The following SPATA1 variants were observed in gnomAD, a reference collection of about 807,000 sequenced individuals.
SPATA1 encodes spermatogenesis associated 1.
A neutral mutation model predicts 59.6 loss-of-function variants in SPATA1; 57 were observed. The observed-to-expected ratio is 0.96, with a 90% confidence interval of 0.77 to 1.19. The LOEUF is 1.19. SPATA1 is among the 50% of genes most tolerant of loss of function. The pLI is 0.00. For synonymous variants in SPATA1, 147 were observed against 163.9 expected, an observed-to-expected ratio of 0.90 and a Z score of 0.79; for missense variants, 448 against 480.7, an observed-to-expected ratio of 0.93 and a Z score of 0.64.
At chr1:84,544,329 C>T (rs1262628705) in intron 9 of SPATA1, 25 bp downstream of exon 9, 6 of 1,491,780 alleles carry the variant, frequency 4.0e-6, no homozygotes, top group Non-Finnish European at 5.5e-6. Flanking sequence ...ATCGTAAGTA[C>T]AGATGATTCT....
intron 4 of SPATA1, among the ~76,000 whole-genome samples, chr1:84,560,499 T>C (rs1237772766): frequency 1.3e-5 from 2 of 152,242 alleles, no homozygotes; most frequent in Non-Finnish European, 2.9e-5. Context: ...GTTTTTCCTG[T>C]ATCTTTGGGT....
intron 8 of SPATA1, among the ~76,000 whole-genome samples, chr1:84,535,223 C>T (rs555096117): frequency 1.3e-5 from 2 of 152,224 alleles, no homozygotes; most frequent in African/African-American, 4.8e-5. Context: ...GCCAATACCA[C>T]ATTATCTTCA....
chr1:84,561,399 A>G (rs576076454), intron 4 of SPATA1, among the ~76,000 whole-genome samples: 1 of 152,374 alleles, frequency 6.6e-6, no homozygotes, highest in South Asian at 2.1e-4. Flanking sequence ...GCTACTTCTT[A>G]TGAATACGCA....
intron 12 of SPATA1, chr1:84,552,983 C>A: frequency 8.3e-7 from 1 of 1,204,044 alleles, no homozygotes; most frequent in Non-Finnish European, 1.2e-6. Context: ...CTATGATGTA[C>A]TTTTAGAAGG....
chr1:84,565,932 G>T (rs751582813), exon 5 of SPATA1: 2 of 1,601,926 alleles, frequency 1.2e-6, no homozygotes, highest in South Asian at 1.1e-5. Flanking sequence ...CAAAGAGGAA[G>T]TCACAAGCAT....
At chr1:84,548,807 A>C in exon 11 of SPATA1, 1 of 1,473,572 alleles carries the variant, frequency 6.8e-7, no homozygotes, top group Non-Finnish European at 9.0e-7. Context: ...TGGAAGAAAA[A>C]ATACTTGGAA....
At chr1:84,518,928 A>G (rs1331931624) in intron 2 of SPATA1, among the ~76,000 whole-genome samples, 2 of 151,856 alleles carry the variant, frequency 1.3e-5, no homozygotes, top group Admixed American at 1.3e-4. Flanking sequence ...TATGTTACCT[A>G]TTAGTGTTTT....
chr1:84,523,608 T>A (rs1235676126), intron 4 of SPATA1, among the ~76,000 whole-genome samples: 1 of 152,164 alleles, frequency 6.6e-6, no homozygotes, highest in Admixed American at 6.5e-5. Context: ...AATTAAAACA[T>A]GAATGATAAT....
intron 4 of SPATA1, among the ~76,000 whole-genome samples, chr1:84,564,903 G>A (rs1684663330): frequency 6.6e-6 from 1 of 152,002 alleles, no homozygotes; most frequent in African/African-American, 2.4e-5. Context: ...GCTGGGCATG[G>A]TGGTGCATGC....
chr1:84,539,776 G>A (rs983908496), intron 8 of SPATA1, among the ~76,000 whole-genome samples: 10 of 152,122 alleles, frequency 6.6e-5, no homozygotes, highest in Non-Finnish European at 1.5e-5. Flanking sequence ...AATACATCAA[G>A]TATTCCATAT....
chr1:84,519,160 A>T (rs1050809285), intron 2 of SPATA1, among the ~76,000 whole-genome samples: 1 of 152,040 alleles, frequency 6.6e-6, no homozygotes, highest in Non-Finnish European at 1.5e-5. Context: ...TTTTAAATAG[A>T]GACAGGATCC....
chr1:84,506,612 T>G (rs1300485631), intron 1 of SPATA1, 194 bp downstream of exon 1: 1 of 152,804 alleles, frequency 6.5e-6, no homozygotes, highest in Non-Finnish European at 1.5e-5. Context: ...TAGGAGCTAC[T>G]GTGCACCCGG....
At chr1:84,531,381 T>TC (rs1683457330) in intron 6 of SPATA1, among the ~76,000 whole-genome samples, 1 of 151,964 alleles carries the variant, frequency 6.6e-6, no homozygotes, top group Non-Finnish European at 1.5e-5. Context: ...CAGGCTGATC[T>TC]TGAACTTCTG....
intron 2 of SPATA1, among the ~76,000 whole-genome samples, chr1:84,519,479 A>T (rs1360171002): frequency 6.6e-6 from 1 of 152,042 alleles, no homozygotes; most frequent in African/African-American, 2.4e-5. Context: ...ATAAATATTT[A>T]GTTCAAGAAA....
chr1:84,566,789 C>A (rs781714579), downstream of SPATA1, among the ~76,000 whole-genome samples: 7 of 152,112 alleles, frequency 4.6e-5, no homozygotes, highest in South Asian at 1.2e-3. Flanking sequence ...TGCGCCACCA[C>A]GCCCAGCTAA....
intron 10 of SPATA1, among the ~76,000 whole-genome samples, chr1:84,546,075 A>G (rs1247922612): frequency 1.3e-5 from 2 of 152,200 alleles, no homozygotes; most frequent in Admixed American, 6.5e-5. Flanking sequence ...GGGGCTTAGG[A>G]GACACTATTA....
At chr1:84,535,982 A>G (rs887376493) in intron 8 of SPATA1, among the ~76,000 whole-genome samples, 1 of 152,152 alleles carries the variant, frequency 6.6e-6, no homozygotes, top group African/African-American at 2.4e-5. Context: ...AGTCTTTCTG[A>G]TACACTTAAT....
At chr1:84,551,057 G>T in intron 12 of SPATA1, 3 of 985,250 alleles carry the variant, frequency 3.0e-6, no homozygotes, top group Non-Finnish European at 2.4e-6. Flanking sequence ...CAGATGCTTA[G>T]TAGAGGCTTC....
intron 8 of SPATA1, among the ~76,000 whole-genome samples, chr1:84,535,051 G>A (rs1047913657): frequency 2.6e-5 from 4 of 152,088 alleles, no homozygotes; most frequent in African/African-American, 9.7e-5. Flanking sequence ...ACAGAATGAG[G>A]TTGTGGTTGT....
Sources: gnomAD v4.1 joint callset for allele counts (sites outside exome capture counted in the v4.1 genomes callset) on GRCh38, gnomAD v4.1.1 for gene constraint, MANE v1.5 for transcripts, NCBI Gene and HGNC (gene_info 2026-07-23, HGNC 2026-07-21) for gene names.